RPS6KA2: variants seen among roughly 807,000 people sequenced by gnomAD.
RPS6KA2 encodes the protein ribosomal protein S6 kinase A2, also known as ribosomal protein S6 kinase alpha-2.
RPS6KA2 carries 42 observed loss-of-function variants against 91.8 expected under a neutral mutation model. The ratio of observed to expected loss-of-function variants is 0.46; its 90% CI spans 0.36 to 0.59. The LOEUF (loss-of-function observed/expected upper bound fraction) is 0.59. Ranked by LOEUF, RPS6KA2 falls within the 20% of genes least tolerant of loss-of-function variation. The probability of loss-of-function intolerance (pLI) is 0.00; values close to 1 mark genes in which losing one functional copy is unlikely to be tolerated. For missense variants in RPS6KA2, 798 were observed against 978.5 expected (o/e 0.82, Z 2.46); for synonymous variants, 414 against 393.6 (o/e 1.05, Z -0.61).
At position 166,498,560 on chromosome 6, in the gene RPS6KA2, T is replaced by C; in HGVS notation, c.695A>G (p.Asn232Ser). 6.2e-7 allele frequency: 1 copy of C among 1,613,822 alleles called. No homozygotes were observed. Among genetic ancestry groups the C allele is most frequent in the Non-Finnish European group, 8.5e-7 (1 of 1,179,986 alleles). ...TIEYMAPEVV[N>S]RRGHTQSADW... Reference sequence around the variant, plus strand: ...GGCACTCTGCGTGTGTCCTCGCCGGTTCACCACCTCGGGCGCCATGTACTC... The same window carrying C: ...GGCACTCTGCGTGTGTCCTCGCCGGCTCACCACCTCGGGCGCCATGTACTC... The change falls in exon 8 of 21, where the codon AAC becomes AGC. Residue 232 changes from asparagine (N) to serine (S), a missense_variant. Physicochemically the swap from Asn to Ser is conservative, Grantham distance 46. Transcript: ENST00000265678.
intron 16 of RPS6KA2, among the ~76,000 whole-genome samples, chr6:166,427,483 A>T (rs1005474233): frequency 1.3e-5 from 2 of 151,856 alleles, no homozygotes; most frequent in Non-Finnish European, 3.0e-5. Context: ...AATAAAGGGT[A>T]TTCAATTAGG....
intron 16 of RPS6KA2, among the ~76,000 whole-genome samples, chr6:166,428,453 T>C (rs1473679626): frequency 7.3e-6 from 1 of 136,772 alleles, no homozygotes; most frequent in African/African-American, 2.8e-5. Context: ...AATTGACAAA[T>C]GGGATCTAAT....
At chr6:166,606,562 T>C (rs1170555490) in intron 1 of RPS6KA2, among the ~76,000 whole-genome samples, 1 of 152,198 alleles carries the variant, frequency 6.6e-6, no homozygotes, top group Non-Finnish European at 1.5e-5. Context: ...TACAACCCAC[T>C]ACGGGGAAAA....
intron 2 of RPS6KA2, among the ~76,000 whole-genome samples, chr6:166,838,322 G>C (rs908400366): frequency 6.6e-6 from 1 of 152,180 alleles, no homozygotes; most frequent in Non-Finnish European, 1.5e-5. Flanking sequence ...AATGGTTCTG[G>C]GGAAGGCAAG....
At chr6:166,604,531 G>A (rs1037547474) in intron 1 of RPS6KA2, among the ~76,000 whole-genome samples, 5 of 152,208 alleles carry the variant, frequency 3.3e-5, no homozygotes, top group Non-Finnish European at 5.9e-5. Flanking sequence ...CTTCCCGGGC[G>A]GGGCCATCCC....
intron 2 of RPS6KA2, among the ~76,000 whole-genome samples, chr6:166,658,828 C>T (rs749667187): frequency 6.6e-6 from 1 of 152,206 alleles, no homozygotes; most frequent in Non-Finnish European, 1.5e-5. Flanking sequence ...TCCTCAACGG[C>T]ATCACTAGAG....
At chr6:166,584,198 C>T (rs1489251925) in intron 1 of RPS6KA2, among the ~76,000 whole-genome samples, 4 of 152,206 alleles carry the variant, frequency 2.6e-5, no homozygotes, top group Non-Finnish European at 5.9e-5. Flanking sequence ...CTGGTGAGGG[C>T]CCAATTCCTG....
intron 2 of RPS6KA2, among the ~76,000 whole-genome samples, chr6:166,663,285 C>T (rs934938347): frequency 2.0e-5 from 3 of 152,160 alleles, no homozygotes; most frequent in Non-Finnish European, 1.5e-5. Context: ...CTTTGCTCTA[C>T]CCAAGGGCTA....
intron 2 of RPS6KA2, among the ~76,000 whole-genome samples, chr6:166,855,498 A>G (rs111359120): frequency 8.9e-6 from 1 of 112,954 alleles, no homozygotes; most frequent in Non-Finnish European, 1.8e-5. Context: ...AGGAAGAAGA[A>G]GAGGAAGAAG....
At chr6:166,803,117 G>T (rs1278227366) in intron 2 of RPS6KA2, among the ~76,000 whole-genome samples, 2 of 152,076 alleles carry the variant, frequency 1.3e-5, no homozygotes, top group Non-Finnish European at 2.9e-5. Context: ...TAAGAAAAAA[G>T]GACATTCCAA....
intron 2 of RPS6KA2, among the ~76,000 whole-genome samples, chr6:166,775,738 T>C (rs1485032915): frequency 2.0e-5 from 3 of 152,232 alleles, no homozygotes; most frequent in Non-Finnish European, 4.4e-5. Context: ...GGATCTTCTC[T>C]AGATAAAGCG....
chr6:166,662,786 T>C lies in RPS6KA2; in HGVS notation c.124-124002A>G, dbSNP rs1482871110. Reference sequence around the variant, plus strand: ...AAGTCCTAACCTCTGGTACTTAGACTGTGACTGTGTGGAGAGAGGACCTTT... The same window carrying C: ...AAGTCCTAACCTCTGGTACTTAGACCGTGACTGTGTGGAGAGAGGACCTTT... On this transcript the variant is annotated intron_variant, in intron 2 of 21. Coordinates refer to the RPS6KA2 transcript ENST00000503859. The surrounding 1 kb of genome is among the most constrained non-coding windows in gnomAD (Gnocchi z 4.3). Among the ~76,000 whole-genome samples, 2 of 152,188 alleles carry C rather than the reference T, an allele frequency of 1.3e-5. No homozygotes were observed. The highest frequency in any genetic ancestry group is 2.9e-5 in the Non-Finnish European group (2 of 68,038).
intron 1 of RPS6KA2, among the ~76,000 whole-genome samples, chr6:166,605,447 G>A (rs1288104206): frequency 1.3e-5 from 2 of 152,052 alleles, no homozygotes; most frequent in Non-Finnish European, 2.9e-5. Flanking sequence ...TGCTTATTAA[G>A]ACTTAATCCA....
intron 2 of RPS6KA2, among the ~76,000 whole-genome samples, chr6:166,801,286 C>T (rs907769319): frequency 6.6e-5 from 10 of 151,874 alleles, no homozygotes; most frequent in Admixed American, 1.3e-4. Flanking sequence ...TAAGTAAAAG[C>T]GGAGGAGGTG....
At chr6:166,758,612 C>T (rs1159126880) in intron 2 of RPS6KA2, among the ~76,000 whole-genome samples, 1 of 152,200 alleles carries the variant, frequency 6.6e-6, no homozygotes, top group African/African-American at 2.4e-5. Context: ...TAGCTTTCTC[C>T]TCTGAAAACC....
intron 11 of RPS6KA2, among the ~76,000 whole-genome samples, chr6:166,466,257 T>C (rs568913687): frequency 2.6e-5 from 4 of 152,326 alleles, no homozygotes; most frequent in Admixed American, 2.0e-4. Flanking sequence ...AGAAGGCTCT[T>C]ATTGCCACAG....
At chr6:166,766,890 G>T (rs1778325651) in intron 2 of RPS6KA2, among the ~76,000 whole-genome samples, 1 of 152,162 alleles carries the variant, frequency 6.6e-6, no homozygotes, top group African/African-American at 2.4e-5. Context: ...GCTTCCCTTG[G>T]CACCCTACTC....
At chr6:166,510,391 C>T (rs1035695478) in intron 3 of RPS6KA2, 34 bp from the exon 4 acceptor site, 3 of 1,426,280 alleles carry the variant, frequency 2.1e-6, no homozygotes, top group African/African-American at 2.9e-5. Context: ...TTTCATGAGG[C>T]AGGAAATAAG....
intron 1 of RPS6KA2, among the ~76,000 whole-genome samples, chr6:166,567,870 G>C (rs1476778004): frequency 6.6e-6 from 1 of 152,162 alleles, no homozygotes; most frequent in East Asian, 1.9e-4. Flanking sequence ...CCAAGGGCCT[G>C]TCAGAAAAAT....
Sources: gnomAD v4.1 joint callset for allele counts (sites outside exome capture counted in the v4.1 genomes callset) on GRCh38, gnomAD v4.1.1 for gene constraint, Gnocchi (gnomAD v3.1) non-coding constraint, MANE v1.5 for transcripts, NCBI Gene and HGNC (gene_info 2026-07-23, HGNC 2026-07-21) for gene names.